Variants in NRAP observed in about 807,000 individuals in gnomAD.
The protein encoded by NRAP is nebulin related anchoring protein.
NRAP carries 189 observed loss-of-function variants against 225.9 expected under a neutral mutation model. The observed-to-expected ratio is 0.84, with a 90% CI of 0.74 to 0.94. NRAP has a LOEUF of 0.94. NRAP is among the 40% of genes least tolerant of loss of function. The pLI, the probability that NRAP is intolerant of heterozygous loss-of-function variation, is 0.00. For missense variants in NRAP, 2,176 were observed against 2,168.7 expected, an observed-to-expected ratio of 1.00 and a Z score of -0.07; for synonymous variants, 769 against 790.7, an observed-to-expected ratio of 0.97 and a Z score of 0.46.
At chr10:113,649,969 G>T in intron 9 of NRAP, 68 bp downstream of exon 9, 2 of 873,254 alleles carry the variant, frequency 2.3e-6, no homozygotes, top group Non-Finnish European at 3.9e-6. Flanking sequence ...AATTGTCATA[G>T]CTGTGTCACA....
intron 14 of NRAP, among the ~76,000 whole-genome samples, chr10:113,636,627 C>T: frequency 6.6e-6 from 1 of 152,290 alleles, no homozygotes; most frequent in South Asian, 2.1e-4. Flanking sequence ...CCAGATTTTC[C>T]AGTTATTCCA....
Position 113,595,799 on chromosome 10 carries a change from T to C in NRAP, c.4432-72A>G. On this transcript the variant is annotated intron_variant, in intron 37 of 41. Coordinates refer to ENST00000359988, the MANE Select transcript of NRAP (RefSeq NM_198060.4). ...AAACCACAGGGGAATAGCAACTGAC[T>C]CCCTTTCCTGCCCCTCCCACCTGAG... 3 of 1,022,190 alleles carry C rather than the reference T, an allele frequency of 2.9e-6. No homozygotes were observed. The South Asian group carries it at 4.0e-5, about 14-fold the overall frequency. The allele number at this position is 1,022,190 out of a possible 1,614,324, so 63.3% of individuals were successfully genotyped here.
Position 113,621,850 on chromosome 10 carries a change from ACACT to A in NRAP, c.2769+15_2769+18del. 1 of 1,588,314 alleles carries A rather than the reference ACACT, an allele frequency of 6.3e-7. No homozygotes were observed. On this transcript the variant is annotated intron_variant, in intron 24 of 41. Coordinates refer to ENST00000359988, the MANE Select transcript of NRAP (RefSeq NM_198060.4). ...CACACACATACACACACAAGTGCAC[ACACT>A]CACACAGAGCTTACATCACTCTGTA... is the stretch of plus-strand genomic sequence containing the variant.
chr10:113,635,576 C>A (rs1848823709), intron 14 of NRAP, among the ~76,000 whole-genome samples: 1 of 152,130 alleles, frequency 6.6e-6, no homozygotes, highest in South Asian at 2.1e-4. Flanking sequence ...TACAGGCGTG[C>A]ACCACTATGC....
chr10:113,617,612 A>G, intron 25 of NRAP, 59 bp from the exon 26 acceptor site: 1 of 994,516 alleles, frequency 1.0e-6, no homozygotes, highest in Admixed American at 1.7e-5. Context: ...ATGCCATTTG[A>G]AAGAGAAAAT....
chr10:113,595,156 G>A (rs1674877206), intron 38 of NRAP, among the ~76,000 whole-genome samples: 1 of 152,188 alleles, frequency 6.6e-6, no homozygotes, highest in African/African-American at 2.4e-5. Context: ...GCACAAAGGA[G>A]CGAGCTGCAT....
rs758003335 is a variant in NRAP at position 113,629,870 on chromosome 10, G to A, written c.1843-85C>T. 91 of 923,094 alleles carry A rather than the reference G, an allele frequency of 9.9e-5. 1 individual carries two copies. The highest frequency in any genetic ancestry group is 3.0e-4 in the Middle Eastern group (1 of 3,386). 57.2% of individuals were successfully genotyped at this position (923,094 alleles called of 1,614,324 possible). On this transcript the variant is annotated intron_variant, in intron 18 of 41. Coordinates refer to ENST00000359988, the MANE Select transcript of NRAP (RefSeq NM_198060.4). ...ATGTGAAAATGCAGGAAAGATTTCC[G>A]GGCTTTCGGGAGCAGGAGAATCGGC...
At chr10:113,660,073 C>T (rs1002199420) in intron 3 of NRAP, among the ~76,000 whole-genome samples, 11 of 150,592 alleles carry the variant, frequency 7.3e-5, no homozygotes, top group African/African-American at 2.7e-4. Flanking sequence ...CACACACACA[C>T]ACACACACAC....
chr10:113,629,435 C>A (rs911271566), intron 19 of NRAP, among the ~76,000 whole-genome samples, 153 bp downstream of exon 19: 1 of 152,208 alleles, frequency 6.6e-6, no homozygotes, highest in East Asian at 1.9e-4. Context: ...CTCTACCTCC[C>A]CATCTGCCCT....
At chr10:113,607,297 G>A (rs544961093) in intron 32 of NRAP, among the ~76,000 whole-genome samples, 1 of 150,812 alleles carries the variant, frequency 6.6e-6, no homozygotes, top group African/African-American at 2.4e-5. Flanking sequence ...AGGTACTCAG[G>A]AGGCTGAGAC....
In NRAP at chr10:113,605,897, T is replaced by C. The variant is rs182594660; in HGVS notation, c.3808-28A>G. On this transcript the variant is annotated intron_variant, in intron 33 of 41. Transcript: ENST00000359988. ...AAAGTGGGAACACATGTAAATCTTT[T>C]TTAAAAAATTACATGAATCAACGAG... The C allele has an allele frequency of 1.0e-4, 155 of 1,522,170 alleles. 2 individuals are homozygous for C. In the African/African-American group the frequency reaches 1.9e-3, roughly 19 times the overall value. The allele number at this position is 1,522,170 out of a possible 1,614,324, so 94.3% of individuals were successfully genotyped here.
chr10:113,617,615 G>C, intron 25 of NRAP, 62 bp from the exon 26 acceptor site: 1 of 974,250 alleles, frequency 1.0e-6, no homozygotes, highest in Non-Finnish European at 1.7e-6. Flanking sequence ...CCATTTGAAA[G>C]AGAAAATCAT....
At chr10:113,631,834 T>C (rs747219513) in intron 17 of NRAP, 23 bp downstream of exon 17, 2 of 1,449,366 alleles carry the variant, frequency 1.4e-6, no homozygotes, top group Admixed American at 1.7e-5. Context: ...TATGCATTCC[T>C]GAGTTAATGA....
chr10:113,631,645 AG>A, intron 17 of NRAP, 35 bp from the exon 18 acceptor site: 1 of 1,421,592 alleles, frequency 7.0e-7, no homozygotes, highest in Non-Finnish European at 9.9e-7. Context: ...TGTGAGTGAG[AG>A]AGAAACTTTG....
intron 10 of NRAP, 45 bp downstream of exon 10, chr10:113,646,878 A>C: frequency 7.7e-7 from 1 of 1,298,102 alleles, no homozygotes; most frequent in African/African-American, 1.5e-5. Context: ...TCAAAGTCTC[A>C]CTTCTCTGCC....
chr10:113,628,240 A>T (rs3127093), intron 20 of NRAP, among the ~76,000 whole-genome samples: 44,014 of 151,902 alleles, frequency 0.29, 6,589 homozygotes, highest in Admixed American at 0.36. Flanking sequence ...CAGGCTGGAG[A>T]GCAGTGGCAC....
chr10:113,663,973 G>A lies in NRAP; in HGVS notation c.-91C>T, dbSNP rs1239358746. On this transcript the variant is annotated 5_prime_UTR_variant, in exon 1 of 42. Coordinates refer to ENST00000359988, the MANE Select transcript of NRAP (RefSeq NM_198060.4). ...CTAGTTCAAGTCTTCAAAATCCGAC[G>A]ACCATAAAATTCCTGTGGGCACCTC... is the stretch of plus-strand genomic sequence containing the variant. 4.0e-6 allele frequency: 4 copies of A among 988,236 alleles called. No individual in the cohort carries two copies. Among genetic ancestry groups the A allele is most frequent in the Admixed American group, 3.7e-5 (2 of 54,028 alleles). The allele number at this position is 988,236 out of a possible 1,614,324, so 61.2% of individuals were successfully genotyped here. A position where few individuals can be genotyped will look rare whatever the true frequency, so the allele number is the denominator to read the frequency against.
intron 31 of NRAP, among the ~76,000 whole-genome samples, chr10:113,609,285 G>T (rs1195828005): frequency 1.3e-5 from 2 of 152,212 alleles, no homozygotes; most frequent in Non-Finnish European, 2.9e-5. Context: ...CATTTCTTAA[G>T]GTTTTTTAAG....
intron 29 of NRAP, among the ~76,000 whole-genome samples, chr10:113,612,957 C>T (rs2133937878): frequency 6.6e-6 from 1 of 152,250 alleles, no homozygotes; most frequent in South Asian, 2.1e-4. Flanking sequence ...AGGCATTCCC[C>T]AAAACCCAAA....
Sources: gnomAD v4.1 joint callset for allele counts (sites outside exome capture counted in the v4.1 genomes callset) on GRCh38, gnomAD v4.1.1 for gene constraint, MANE v1.5 for transcripts, NCBI Gene and HGNC (gene_info 2026-07-23, HGNC 2026-07-21) for gene names.